MYO1D: variants seen among roughly 807,000 people sequenced by gnomAD.
MYO1D encodes the protein myosin ID, also known as unconventional myosin-Id.
A neutral mutation model predicts 122.0 loss-of-function variants in MYO1D; 83 were observed. The ratio of observed to expected loss-of-function variants is 0.68; its 90% CI spans 0.57 to 0.82. The LOEUF is 0.82. MYO1D is among the 40% of genes least tolerant of loss of function. MYO1D has a pLI of 0.00. For synonymous variants in MYO1D, 464 were observed against 446.9 expected (o/e 1.04, Z -0.48); for missense variants, 1,157 against 1,269.5 (o/e 0.91, Z 1.35).
At chr17:32,534,176 ATTAAT>A (rs2150874596) in intron 21 of MYO1D, among the ~76,000 whole-genome samples, 1 of 152,222 alleles carries the variant, frequency 6.6e-6, no homozygotes, top group Non-Finnish European at 1.5e-5. Context: ...AAATTAATTA[ATTAAT>A]TTAGAGATGG....
intron 1 of MYO1D, among the ~76,000 whole-genome samples, chr17:32,839,363 A>G (rs1396476453): frequency 6.6e-6 from 1 of 152,262 alleles, no homozygotes; most frequent in Non-Finnish European, 1.5e-5. Flanking sequence ...CTGGAGCCTT[A>G]TCAAAATAAT....
intron 1 of MYO1D, among the ~76,000 whole-genome samples, chr17:32,874,775 A>T: frequency 6.6e-6 from 1 of 152,218 alleles, no homozygotes; most frequent in Non-Finnish European, 1.5e-5. Flanking sequence ...AAAAATATAA[A>T]TATAAATATA....
chr17:32,527,755 G>T (rs1028466872), intron 21 of MYO1D, among the ~76,000 whole-genome samples: 5 of 152,098 alleles, frequency 3.3e-5, no homozygotes, highest in Admixed American at 6.5e-5. Context: ...CTGTGACTGT[G>T]CTACTGCATT....
At chr17:32,595,100 G>C (rs2087478653) in intron 21 of MYO1D, among the ~76,000 whole-genome samples, 1 of 152,070 alleles carries the variant, frequency 6.6e-6, no homozygotes, top group South Asian at 2.1e-4. Flanking sequence ...TGTAATCCTG[G>C]AATCAATCAA....
chr17:32,504,648 A>T (rs1909433600), intron 21 of MYO1D: 1 of 152,136 alleles, frequency 6.6e-6, no homozygotes, highest in South Asian at 2.1e-4. Context: ...CATTTTATAC[A>T]TTATTTCACA....
intron 21 of MYO1D, among the ~76,000 whole-genome samples, chr17:32,583,471 C>T (rs1375483453): frequency 1.3e-5 from 2 of 152,088 alleles, no homozygotes; most frequent in African/African-American, 4.8e-5. Context: ...TTTCTGTCCT[C>T]CTCCTTCCTT....
At chr17:32,745,179 T>C (rs2089819724) in intron 13 of MYO1D, 32 bp downstream of exon 13, 3 of 1,200,216 alleles carry the variant, frequency 2.5e-6, no homozygotes, top group Non-Finnish European at 2.4e-6. Context: ...ATGAGCTTAA[T>C]CTAGAGTTAA....
chr17:32,603,220 G>C (rs1017789888), intron 21 of MYO1D, among the ~76,000 whole-genome samples: 2 of 152,108 alleles, frequency 1.3e-5, no homozygotes, highest in African/African-American at 4.8e-5. Flanking sequence ...TGCTAGCTAG[G>C]AAAAGAAAGC....
intron 16 of MYO1D, among the ~76,000 whole-genome samples, chr17:32,709,237 CA>C (rs2089345540): frequency 6.6e-6 from 1 of 152,116 alleles, no homozygotes; most frequent in Admixed American, 6.5e-5. Context: ...TTAATAGTCA[CA>C]ACAGGCAATT....
intron 1 of MYO1D, among the ~76,000 whole-genome samples, chr17:32,810,357 G>A (rs751624764): frequency 2.0e-5 from 3 of 152,220 alleles, no homozygotes; most frequent in Non-Finnish European, 4.4e-5. Flanking sequence ...TGGGTGTCCT[G>A]TGTCAGAATG....
chr17:32,751,825 TA>T (rs2089902235), intron 11 of MYO1D, among the ~76,000 whole-genome samples: 1 of 152,098 alleles, frequency 6.6e-6, no homozygotes. Context: ...TTGGAAGAAT[TA>T]ATGTCATTAA....
chr17:32,670,518 C>G (rs1039723009), intron 16 of MYO1D, among the ~76,000 whole-genome samples: 9 of 152,118 alleles, frequency 5.9e-5, no homozygotes, highest in African/African-American at 2.2e-4. Flanking sequence ...AGGTGGGTCC[C>G]TGGTGCGACC....
intron 6 of MYO1D, among the ~76,000 whole-genome samples, chr17:32,770,222 G>C (rs938915312): frequency 6.6e-6 from 1 of 152,112 alleles, no homozygotes; most frequent in Non-Finnish European, 1.5e-5. Context: ...AATAATGCAG[G>C]TATAATTAGC....
At chr17:32,731,902 G>A (rs1198544402) in intron 14 of MYO1D, among the ~76,000 whole-genome samples, 1 of 152,220 alleles carries the variant, frequency 6.6e-6, no homozygotes, top group Non-Finnish European at 1.5e-5. Flanking sequence ...CACTCCCGGG[G>A]ACATGGGAAG....
chr17:32,769,793 A>C (rs533407881), intron 6 of MYO1D, among the ~76,000 whole-genome samples: 1 of 143,866 alleles, frequency 7.0e-6, no homozygotes, highest in Admixed American at 7.0e-5. Flanking sequence ...CTTAGGAAGC[A>C]AAAAAAAAAA....
At chr17:32,804,520 T>C (rs2090492427) in intron 1 of MYO1D, among the ~76,000 whole-genome samples, 1 of 152,240 alleles carries the variant, frequency 6.6e-6, no homozygotes, top group African/African-American at 2.4e-5. Context: ...ACCTCTAGCC[T>C]GGAGTGATCT....
chr17:32,778,449 G>A, intron 3 of MYO1D, 31 bp downstream of exon 3: 1 of 1,588,340 alleles, frequency 6.3e-7, no homozygotes, highest in Non-Finnish European at 8.6e-7. Flanking sequence ...AGAGTGCTAA[G>A]AATTCCTCCC....
At chr17:32,618,208 T>C (rs1250131854) in intron 20 of MYO1D, among the ~76,000 whole-genome samples, 2 of 152,232 alleles carry the variant, frequency 1.3e-5, no homozygotes, top group African/African-American at 2.4e-5. Context: ...ACCAGTATAA[T>C]CGACTTTATT....
At chr17:32,634,126 G>A (rs1305745308) in intron 20 of MYO1D, among the ~76,000 whole-genome samples, 1 of 152,132 alleles carries the variant, frequency 6.6e-6, no homozygotes, top group Non-Finnish European at 1.5e-5. Flanking sequence ...TAGATGATCT[G>A]ATGTATAACT....
Sources: allele counts gnomAD v4.1 joint callset (sites outside exome capture counted in the v4.1 genomes callset), GRCh38; gene constraint gnomAD v4.1.1; transcripts MANE v1.5; gene names NCBI Gene and HGNC (gene_info 2026-07-23, HGNC 2026-07-21).